Variants in PARVB observed in about 807,000 individuals in gnomAD.
PARVB encodes beta-parvin.
Under a neutral mutation model 47.0 loss-of-function variants are expected in PARVB, and 46 were observed. That is an observed-to-expected ratio of 0.98 (90% CI 0.77 to 1.25). The LOEUF is 1.25. Ranked by LOEUF, PARVB falls within the 50% of genes most tolerant of loss-of-function variation. The pLI is 0.00. For missense variants in PARVB, 473 were observed against 471.6 expected (o/e 1.00, Z -0.03); for synonymous variants, 196 against 196.3 (o/e 1.00, Z 0.01).
chr22:44,078,370 A>G (rs939797248), intron 1 of PARVB, among the ~76,000 whole-genome samples: 2 of 152,196 alleles, frequency 1.3e-5, no homozygotes, highest in African/African-American at 4.8e-5. Flanking sequence ...GGGGGACACA[A>G]TTAAATCCAC....
chr22:44,012,008 G>C (rs1420823616), intron 2 of PARVB, among the ~76,000 whole-genome samples: 1 of 152,198 alleles, frequency 6.6e-6, no homozygotes, highest in Non-Finnish European at 1.5e-5. Context: ...CTTGGCCTTT[G>C]TTCTCCCACC....
At chr22:44,148,139 G>T (rs1052085355) in intron 9 of PARVB, 5 of 577,256 alleles carry the variant, frequency 8.7e-6, no homozygotes, top group African/African-American at 7.5e-5. Flanking sequence ...CTTCCTGCCC[G>T]CCCGCTCCGC....
chr22:44,097,440 G>A (rs1271368628), intron 2 of PARVB, among the ~76,000 whole-genome samples: 1 of 152,212 alleles, frequency 6.6e-6, no homozygotes, highest in Non-Finnish European at 1.5e-5. Flanking sequence ...GCCTGCGGGG[G>A]TTTCATGTCC....
intron 1 of PARVB, among the ~76,000 whole-genome samples, chr22:44,062,276 G>A (rs537276935): frequency 5.3e-5 from 8 of 152,190 alleles, no homozygotes; most frequent in South Asian, 2.1e-4. Context: ...TCAGCCCCAC[G>A]AGACTGCACC....
chr22:44,037,048 C>CA (rs927688193), intron 1 of PARVB, among the ~76,000 whole-genome samples: 107 of 145,804 alleles, frequency 7.3e-4, no homozygotes, highest in South Asian at 1.1e-3. Flanking sequence ...AGATTAAAAA[C>CA]AAAAAAAAAA....
At chr22:44,134,148 C>T (rs2053390185) in intron 6 of PARVB, among the ~76,000 whole-genome samples, 2 of 152,144 alleles carry the variant, frequency 1.3e-5, no homozygotes, top group Non-Finnish European at 2.9e-5. Flanking sequence ...CTGTGTTTTC[C>T]GAACCCATTC....
At chr22:44,036,673 T>C (rs1193128779) in intron 1 of PARVB, among the ~76,000 whole-genome samples, 2 of 152,158 alleles carry the variant, frequency 1.3e-5, no homozygotes, top group Non-Finnish European at 2.9e-5. Flanking sequence ...ACTTGATATA[T>C]ATAAGTTTAA....
At chr22:44,004,683 T>C (rs2050446270) in intron 2 of PARVB, among the ~76,000 whole-genome samples, 3 of 152,256 alleles carry the variant, frequency 2.0e-5, no homozygotes, top group Admixed American at 6.5e-5. Context: ...TGTTTACAAG[T>C]AGAAAAAGCC....
chr22:44,034,263 CATATATATGTTTGAGATGGGTGTCTTT>C (rs1281282629), intron 1 of PARVB, among the ~76,000 whole-genome samples: 2 of 122,114 alleles, frequency 1.6e-5, no homozygotes, highest in Non-Finnish European at 3.9e-5. Flanking sequence ...TGTCTTTATA[CATATATATGTTTGAGATGGGTGTCTTT>C]ATACATATAT....
Position 44,163,800 on chromosome 22 carries a change from G to A in PARVB, c.946-58G>A. ...CATGCCGGCTGTCCTCCAGCAGTGG[G>A]CCGTGTGTGGGAACGACTGTTGGAC... On this transcript the variant is annotated intron_variant, in intron 11 of 12. Transcript: ENST00000338758. The A allele has an allele frequency of 4.3e-6, 6 of 1,396,990 alleles. No individual in the cohort carries two copies. In the South Asian group the frequency reaches 7.5e-5, roughly 18 times the overall value. The allele number at this position is 1,396,990 out of a possible 1,614,324, so 86.5% of individuals were successfully genotyped here.
intron 1 of PARVB, among the ~76,000 whole-genome samples, chr22:44,084,261 G>C (rs1252717785): frequency 2.0e-5 from 3 of 152,218 alleles, no homozygotes. Context: ...GTGCCAGCTG[G>C]CTTTGTCCTG....
At position 44,122,514 on chromosome 22, in the gene PARVB, GAGAGACAGAGAGAC is replaced by G. The variant is rs1569134223; in HGVS notation, c.376+3380_376+3393del. Among the ~76,000 whole-genome samples, 235 of 90,484 alleles carry G rather than the reference GAGAGACAGAGAGAC, an allele frequency of 2.6e-3. 18 individuals are homozygous for G. The highest frequency in any genetic ancestry group is 0.01 in the African/African-American group (172 of 16,502). 59.4% of individuals were successfully genotyped at this position (90,484 alleles called of 152,430 possible). A position where few individuals can be genotyped will look rare whatever the true frequency, so the allele number is the denominator to read the frequency against. On this transcript the variant is annotated intron_variant, in intron 4 of 12. Transcript: ENST00000338758. ...AGAGAGAGAGAGAGAGAGAGAGAGAGAGAGACAGAGAGACAGAGAGAGAGAGAGAGAGAGAGAGA... is the reference window on the plus strand; with the variant it reads ...AGAGAGAGAGAGAGAGAGAGAGAGAGAGAGAGAGAGAGAGAGAGAGAGAGA...
intron 1 of PARVB, among the ~76,000 whole-genome samples, chr22:44,080,529 GTCAATCACAT>G (rs1221596192): frequency 9.9e-5 from 15 of 152,148 alleles, no homozygotes; most frequent in Non-Finnish European, 2.2e-4. Context: ...TAAGGACCCT[GTCAATCACAT>G]TGGGCCCCCT....
chr22:44,095,011 A>T (rs947879420), intron 2 of PARVB, among the ~76,000 whole-genome samples: 10 of 151,412 alleles, frequency 6.6e-5, no homozygotes, highest in African/African-American at 2.4e-4. Context: ...TAGGGTGAGG[A>T]TATTGGCTGG....
chr22:44,066,823 T>TCCTCCTCCTCCTCCTCG, intron 1 of PARVB, among the ~76,000 whole-genome samples: 1 of 24,676 alleles, frequency 4.1e-5, no homozygotes, highest in South Asian at 1.0e-3. Context: ...CCTCCTCCTC[T>TCCTCCTCCTCCTCCTCG]TCCTCCTCCA....
At chr22:44,160,668 G>C (rs111449417) in intron 11 of PARVB, among the ~76,000 whole-genome samples, 49 of 152,294 alleles carry the variant, frequency 3.2e-4, no homozygotes, top group Admixed American at 1.2e-3. Flanking sequence ...AGAGATAACA[G>C]GCATGGGAGG....
rs200594408 is a variant in PARVB at position 44,119,094 on chromosome 22, G to T, written c.330G>T (p.Gln110His). The change falls in exon 4 of 13, where the codon CAG (glutamine) becomes CAT (histidine). Residue 110 changes from glutamine (Q) to histidine (H), a missense_variant. Physicochemically the swap from Gln to His is conservative, Grantham distance 24. Coordinates refer to ENST00000338758, the MANE Select transcript of PARVB (RefSeq NM_013327.5). ...TGGAGGAGAGGATCATTGTGAAGCA[G>T]CTGGAGGAAGACCTGTATGACGGCC... ...VLVEERIIVKQLEEDLYDGQV... is the reference protein window; with the variant it reads ...VLVEERIIVKHLEEDLYDGQV... The T allele has an allele frequency of 1.5e-5, 25 of 1,614,154 alleles. No homozygotes were observed. The African/African-American group carries it at 1.9e-4, about 12-fold the overall frequency.
intron 3 of PARVB, chr22:44,106,834 T>G (rs2052579517): frequency 6.6e-6 from 1 of 151,674 alleles, no homozygotes; most frequent in South Asian, 2.1e-4. Flanking sequence ...TAGCTCTGGG[T>G]AAGCTAGGCA....
intron 1 of PARVB, among the ~76,000 whole-genome samples, chr22:44,055,229 G>A (rs1033141148): frequency 1.3e-5 from 2 of 152,020 alleles, no homozygotes; most frequent in Non-Finnish European, 2.9e-5. Flanking sequence ...CCTCCTGTGC[G>A]CCTCCCTCCC....
Sources: gnomAD v4.1 joint callset for allele counts (sites outside exome capture counted in the v4.1 genomes callset) on GRCh38, gnomAD v4.1.1 for gene constraint, MANE v1.5 for transcripts, NCBI Gene and HGNC (gene_info 2026-07-23, HGNC 2026-07-21) for gene names.